Variants in FRMD4A observed in about 807,000 individuals in gnomAD.
FRMD4A encodes FERM domain containing 4A.
In FRMD4A, 29 loss-of-function variants were observed where a neutral mutation model predicts 129.1. That is an observed-to-expected ratio of 0.22 (90% CI 0.17 to 0.31). FRMD4A has a LOEUF of 0.31. Ranked by LOEUF, FRMD4A falls within the 10% of genes least tolerant of loss-of-function variation. The pLI is 1.00. For synonymous variants in FRMD4A, 634 were observed against 571.6 expected, an observed-to-expected ratio of 1.11 and a Z score of -1.56; for missense variants, 1,272 against 1,375.8, an observed-to-expected ratio of 0.92 and a Z score of 1.19.
At chr10:13,808,444 A>G (rs1269954856) in intron 4 of FRMD4A, among the ~76,000 whole-genome samples, 1 of 152,250 alleles carries the variant, frequency 6.6e-6, no homozygotes, top group Non-Finnish European at 1.5e-5. Context: ...GCTAGCGCTT[A>G]CTACCTAGGA....
chr10:14,266,974 TA>T (rs1220740218), intron 2 of FRMD4A, among the ~76,000 whole-genome samples: 1 of 152,240 alleles, frequency 6.6e-6, no homozygotes, highest in Non-Finnish European at 1.5e-5. Context: ...TTGGAATTTC[TA>T]AGAAGCATTT....
In FRMD4A at chr10:13,768,725, A is replaced by G. The variant is rs147725020; in HGVS notation, c.385-6045T>C. Among the ~76,000 whole-genome samples the G allele has an allele frequency of 9.9e-5, 15 of 152,228 alleles. No individual in the cohort carries two copies. The East Asian group carries it at 2.9e-3, about 29-fold the overall frequency. Reference sequence around the variant, plus strand: ...CCCATATTCTGGTCTTAACCCCCCAATGCCTTGAGGACATGGACTGAACCA... The same window carrying G: ...CCCATATTCTGGTCTTAACCCCCCAGTGCCTTGAGGACATGGACTGAACCA... On this transcript the variant is annotated intron_variant, in intron 6 of 24. Transcript: ENST00000357447.
chr10:13,856,023 TATCTATC>T (rs2094207491), intron 3 of FRMD4A, among the ~76,000 whole-genome samples: 1 of 123,360 alleles, frequency 8.1e-6, no homozygotes, highest in Non-Finnish European at 1.9e-5. Context: ...ACTATCTATC[TATCTATC>T]TATCTATCTA....
At chr10:14,069,835 T>C (rs1482616484) in intron 2 of FRMD4A, among the ~76,000 whole-genome samples, 1 of 152,204 alleles carries the variant, frequency 6.6e-6, no homozygotes. Flanking sequence ...AACTAAATAT[T>C]TGGGAATTAC....
intron 2 of FRMD4A, among the ~76,000 whole-genome samples, chr10:14,122,181 GT>G (rs1838563057): frequency 1.3e-5 from 2 of 152,304 alleles, no homozygotes; most frequent in African/African-American, 4.8e-5. Context: ...TGTAAAGGAT[GT>G]TGTGGGGATT....
intron 2 of FRMD4A, among the ~76,000 whole-genome samples, chr10:14,288,549 T>A (rs1845754734): frequency 6.6e-6 from 1 of 152,172 alleles, no homozygotes; most frequent in Non-Finnish European, 1.5e-5. Flanking sequence ...CTTGCCAGAT[T>A]TTAGGCAAGA....
intron 9 of FRMD4A, chr10:13,744,492 T>A (rs942965362): frequency 2.0e-5 from 3 of 152,048 alleles, no homozygotes; most frequent in African/African-American, 7.2e-5. Context: ...ATGTATTTCC[T>A]CTCTTAATTA....
At chr10:13,840,882 G>T (rs1263501491) in intron 3 of FRMD4A, among the ~76,000 whole-genome samples, 1 of 151,736 alleles carries the variant, frequency 6.6e-6, no homozygotes, top group Non-Finnish European at 1.5e-5. Context: ...GCCAAGGTGG[G>T]AGGATCACTT....
intron 8 of FRMD4A, among the ~76,000 whole-genome samples, chr10:13,755,082 T>A (rs1411198492): frequency 6.6e-6 from 1 of 152,212 alleles, no homozygotes; most frequent in Admixed American, 6.5e-5. Context: ...TAATCAAGTC[T>A]CCATGTTGTA....
At chr10:14,022,094 TGTCCTTGCCTTTTG>T (rs1422361982) in intron 2 of FRMD4A, among the ~76,000 whole-genome samples, 1 of 152,186 alleles carries the variant, frequency 6.6e-6, no homozygotes, top group Non-Finnish European at 1.5e-5. Flanking sequence ...GTTACAAAGG[TGTCCTTGCCTTTTG>T]GATCTCAGGA....
intron 2 of FRMD4A, among the ~76,000 whole-genome samples, chr10:13,910,763 A>G (rs1362538748): frequency 6.6e-6 from 1 of 152,154 alleles, no homozygotes; most frequent in Non-Finnish European, 1.5e-5. Context: ...CCAATAAACA[A>G]TTATGCACAC....
Position 13,654,419 on chromosome 10 carries a change from G to A in FRMD4A, c.3047C>T (p.Thr1016Ile). The A allele has an allele frequency of 1.9e-6, 3 of 1,596,208 alleles. No homozygotes were observed. Among genetic ancestry groups the A allele is most frequent in the South Asian group, 2.2e-5 (2 of 90,748 alleles). ...SSPHHILTWQ[T>I]GEATENSPIL... ...AGAACATAGAAGGAGAACTCACCCA[G>A]TCTGCCAGGTTAGGATGTGGTGGGG... is the stretch of plus-strand genomic sequence containing the variant. The change falls in exon 23 of 25, where the codon ACT becomes ATT. Residue 1016 changes from threonine (T) to isoleucine (I), a missense_variant. Around this residue, in one of 2 missense-constraint regions of FRMD4A, gnomAD observed 972 missense variants for 892.3 expected, o/e 1.09. Coordinates refer to ENST00000357447, the MANE Select transcript of FRMD4A (RefSeq NM_018027.5).
intron 12 of FRMD4A, among the ~76,000 whole-genome samples, chr10:13,732,966 G>A (rs1187001016): frequency 2.0e-5 from 3 of 152,332 alleles, no homozygotes; most frequent in South Asian, 4.1e-4. Context: ...TGGCCTGGTC[G>A]GAGGTGTAGG....
At chr10:13,978,999 G>A (rs889473294) in intron 2 of FRMD4A, among the ~76,000 whole-genome samples, 3 of 152,110 alleles carry the variant, frequency 2.0e-5, no homozygotes, top group Admixed American at 2.0e-4. Context: ...GCTGCCATAT[G>A]CACACCAGGC....
At chr10:14,160,870 C>T (rs1005761635) in intron 2 of FRMD4A, among the ~76,000 whole-genome samples, 1 of 152,154 alleles carries the variant, frequency 6.6e-6, no homozygotes, top group African/African-American at 2.4e-5. Flanking sequence ...ATAACAAATG[C>T]TGGCAAGGAT....
At chr10:13,721,402 A>G (rs2089393007) in intron 12 of FRMD4A, among the ~76,000 whole-genome samples, 1 of 152,170 alleles carries the variant, frequency 6.6e-6, no homozygotes, top group South Asian at 2.1e-4. Context: ...GAATCGCTGG[A>G]ATCCAGGAGG....
At chr10:14,055,920 G>A (rs1834504406) in intron 2 of FRMD4A, among the ~76,000 whole-genome samples, 1 of 152,164 alleles carries the variant, frequency 6.6e-6, no homozygotes, top group Admixed American at 6.5e-5. Flanking sequence ...TCAAATAATA[G>A]TGGGTCTTAT....
At chr10:13,709,806 T>C (rs560022643) in intron 12 of FRMD4A, among the ~76,000 whole-genome samples, 13 of 152,372 alleles carry the variant, frequency 8.5e-5, no homozygotes, top group Non-Finnish European at 1.3e-4. Flanking sequence ...CTGCTGTTGA[T>C]ATCTTGAAAT....
At chr10:13,788,404 A>G (rs1442426615) in intron 5 of FRMD4A, among the ~76,000 whole-genome samples, 1 of 152,172 alleles carries the variant, frequency 6.6e-6, no homozygotes, top group Non-Finnish European at 1.5e-5. Context: ...ACCACAAAAA[A>G]TGCTCTTGCC....
Sources: gnomAD v4.1 joint callset for allele counts (sites outside exome capture counted in the v4.1 genomes callset) on GRCh38, gnomAD v4.1.1 for gene constraint, gnomAD v4.1.1 regional missense constraint, MANE v1.5 for transcripts, NCBI Gene and HGNC (gene_info 2026-07-23, HGNC 2026-07-21) for gene names.